Variants in THSD7A observed in about 807,000 individuals in gnomAD.
The protein encoded by THSD7A is thrombospondin type 1 domain containing 7A.
Under a neutral mutation model 231.3 loss-of-function variants are expected in THSD7A, and 96 were observed. The observed-to-expected ratio is 0.41, with a 90% CI of 0.35 to 0.49. The LOEUF is 0.49. Among genes scored for constraint, THSD7A ranks in the 20% least tolerant of loss-of-function variants. THSD7A has a pLI of 0.05. For missense variants in THSD7A, 2,290 were observed against 2,070.2 expected, an observed-to-expected ratio of 1.11 and a Z score of -2.06; for synonymous variants, 940 against 743.3, an observed-to-expected ratio of 1.26 and a Z score of -4.30.
intron 1 of THSD7A, among the ~76,000 whole-genome samples, chr7:11,826,282 T>C (rs745444109): frequency 1.6e-4 from 25 of 152,212 alleles, no homozygotes; most frequent in Non-Finnish European, 3.4e-4. Context: ...AAATAATGGC[T>C]ATTATGTACA....
intron 2 of THSD7A, among the ~76,000 whole-genome samples, chr7:11,601,423 T>C (rs1239356704): frequency 6.6e-6 from 1 of 152,208 alleles, no homozygotes; most frequent in Non-Finnish European, 1.5e-5. Context: ...GAACACCTGG[T>C]AAGCAGTCGC....
intron 11 of THSD7A, among the ~76,000 whole-genome samples, chr7:11,456,647 A>T (rs1785317390): frequency 6.6e-6 from 1 of 151,952 alleles, no homozygotes; most frequent in Non-Finnish European, 1.5e-5. Flanking sequence ...TCTGTAAAAG[A>T]CTACATGGTA....
chr7:11,825,580 G>C (rs566632315), intron 1 of THSD7A, among the ~76,000 whole-genome samples: 2 of 152,076 alleles, frequency 1.3e-5, no homozygotes, highest in African/African-American at 4.8e-5. Flanking sequence ...CAGAACAATA[G>C]CAATAATAAA....
At chr7:11,791,860 G>A (rs1162328583) in intron 1 of THSD7A, among the ~76,000 whole-genome samples, 1 of 151,684 alleles carries the variant, frequency 6.6e-6, no homozygotes, top group African/African-American at 2.4e-5. Flanking sequence ...TTTTGCTGCC[G>A]CCTCTTTCTT....
Position 11,411,481 on chromosome 7 carries a change from G to A in THSD7A, c.3683-159C>T, listed in dbSNP as rs146165810. ...GAGCATATGGGTCCCAGCTTTGAACGTATCAGGAGTCAAATGGAATTGCTG... is the reference window on the plus strand; with the variant it reads ...GAGCATATGGGTCCCAGCTTTGAACATATCAGGAGTCAAATGGAATTGCTG... On this transcript the variant is annotated intron_variant, in intron 18 of 27. Coordinates refer to ENST00000423059, the MANE Select transcript of THSD7A (RefSeq NM_015204.3). This position sits in a 1 kb window ranked among gnomAD's most constrained non-coding sequence, Gnocchi z 4.1. Among the ~76,000 whole-genome samples, 8 of 152,258 alleles carry A rather than the reference G, an allele frequency of 5.3e-5. No homozygotes were observed. Among genetic ancestry groups the A allele is most frequent in the Non-Finnish European group, 1.0e-4 (7 of 68,022 alleles).
At chr7:11,710,212 C>T (rs1478755720) in intron 1 of THSD7A, among the ~76,000 whole-genome samples, 2 of 149,604 alleles carry the variant, frequency 1.3e-5, no homozygotes, top group African/African-American at 4.9e-5. Context: ...TGCTTGTGGG[C>T]CAGGGAAAAA....
chr7:11,552,125 A>G (rs1789654213), intron 4 of THSD7A, among the ~76,000 whole-genome samples: 1 of 152,068 alleles, frequency 6.6e-6, no homozygotes, highest in South Asian at 2.1e-4. Flanking sequence ...ACATGAACAC[A>G]AAGTAGGGAA....
intron 23 of THSD7A, among the ~76,000 whole-genome samples, chr7:11,396,073 A>ATTTCTGCTTT (rs1320291347): frequency 6.6e-6 from 1 of 152,094 alleles, no homozygotes; most frequent in East Asian, 1.9e-4. Context: ...AAGCAGAAAT[A>ATTTCTGCTTT]AGTAAGTAAG....
chr7:11,691,299 A>G (rs1243904771), intron 1 of THSD7A, among the ~76,000 whole-genome samples: 1 of 151,524 alleles, frequency 6.6e-6, no homozygotes, highest in Non-Finnish European at 1.5e-5. Flanking sequence ...GTGCATGGTA[A>G]TAGGTATTAC....
At chr7:11,457,032 G>C (rs1156762005) in intron 11 of THSD7A, among the ~76,000 whole-genome samples, 1 of 151,776 alleles carries the variant, frequency 6.6e-6, no homozygotes, top group Non-Finnish European at 1.5e-5. Flanking sequence ...GAATCTACAA[G>C]TGCAAACTTG....
At chr7:11,403,108 C>G (rs1435045875) in intron 22 of THSD7A, among the ~76,000 whole-genome samples, 6 of 152,136 alleles carry the variant, frequency 3.9e-5, no homozygotes, top group African/African-American at 1.4e-4. Flanking sequence ...TGATACTCTT[C>G]AGAGTACACA....
chr7:11,645,983 A>G (rs1054993431), intron 1 of THSD7A, among the ~76,000 whole-genome samples: 2 of 151,950 alleles, frequency 1.3e-5, no homozygotes, highest in African/African-American at 4.8e-5. Flanking sequence ...GCTATAATGA[A>G]AAGTTCCCAA....
intron 1 of THSD7A, among the ~76,000 whole-genome samples, chr7:11,649,636 T>G (rs1292444147): frequency 1.3e-5 from 2 of 151,966 alleles, no homozygotes; most frequent in African/African-American, 2.4e-5. Context: ...TAAAAGTGAC[T>G]GCCAGTAAAG....
At chr7:11,436,997 T>G (rs1367105756) in intron 13 of THSD7A, among the ~76,000 whole-genome samples, 1 of 152,138 alleles carries the variant, frequency 6.6e-6, no homozygotes, top group Non-Finnish European at 1.5e-5. Flanking sequence ...CTAATTTTTC[T>G]TTTTTGGTTG....
At chr7:11,665,170 G>C (rs1783080649) in intron 1 of THSD7A, among the ~76,000 whole-genome samples, 1 of 151,978 alleles carries the variant, frequency 6.6e-6, no homozygotes, top group East Asian at 1.9e-4. Context: ...AAGATCATGG[G>C]ACAAAGCATA....
intron 1 of THSD7A, among the ~76,000 whole-genome samples, chr7:11,697,985 C>A (rs1780453495): frequency 6.6e-6 from 1 of 151,344 alleles, no homozygotes; most frequent in Non-Finnish European, 1.5e-5. Context: ...CATACGAATG[C>A]CCCAGTTGAT....
intron 1 of THSD7A, among the ~76,000 whole-genome samples, chr7:11,639,792 C>T (rs182125591): frequency 1.1e-3 from 170 of 152,194 alleles, no homozygotes; most frequent in African/African-American, 3.9e-3. Context: ...TATGTTATTG[C>T]TAAGGAAAAC....
At chr7:11,650,293 A>C (rs1782443022) in intron 1 of THSD7A, among the ~76,000 whole-genome samples, 1 of 152,024 alleles carries the variant, frequency 6.6e-6, no homozygotes, top group South Asian at 2.1e-4. Context: ...TAATGTGGAC[A>C]ACGTCTCCTG....
In THSD7A at chr7:11,374,910, C is replaced by T. The variant is rs1782203274; in HGVS notation, c.*884G>A. 1 of 152,052 alleles carries T rather than the reference C, an allele frequency of 6.6e-6. No individual in the cohort carries two copies. Among genetic ancestry groups the T allele is most frequent in the Non-Finnish European group, 1.5e-5 (1 of 67,998 alleles). 9.4% of individuals were successfully genotyped at this position (152,052 alleles called of 1,614,324 possible). On this transcript the variant is annotated 3_prime_UTR_variant, in exon 28 of 28. Transcript: ENST00000423059. ...AAATGTCTTCATGCCACTCTTGGCACAGATGTCTTCATCCCACATGAAAAG... is the reference window on the plus strand; with the variant it reads ...AAATGTCTTCATGCCACTCTTGGCATAGATGTCTTCATCCCACATGAAAAG...
Sources: allele counts gnomAD v4.1 joint callset (sites outside exome capture counted in the v4.1 genomes callset), GRCh38; gene constraint gnomAD v4.1.1; non-coding constraint Gnocchi (gnomAD v3.1); transcripts MANE v1.5; gene names NCBI Gene and HGNC (gene_info 2026-07-23, HGNC 2026-07-21).